CDH3: variants seen among roughly 807,000 people sequenced by gnomAD.
CDH3 encodes cadherin-3.
Under a neutral mutation model 82.0 loss-of-function variants are expected in CDH3, and 54 were observed. The observed-to-expected ratio is 0.66, with a 90% confidence interval of 0.53 to 0.83. CDH3 has a LOEUF of 0.83. Among genes scored for constraint, CDH3 ranks in the 40% least tolerant of loss-of-function variants. The pLI, the probability that CDH3 is intolerant of heterozygous loss-of-function variation, is 0.00. For synonymous variants in CDH3, 446 were observed against 437.9 expected (o/e 1.02, Z -0.23); for missense variants, 1,054 against 1,084.6 (o/e 0.97, Z 0.40).
At chr16:68,696,363 A>G (rs1420603415) in intron 15 of CDH3, 6 of 313,868 alleles carry the variant, frequency 1.9e-5, no homozygotes, top group African/African-American at 1.3e-4. Context: ...GGTTGCAGTG[A>G]GCCGACATCA....
chr16:68,682,595 A>C, intron 9 of CDH3, 108 bp downstream of exon 9: 3 of 1,019,580 alleles, frequency 2.9e-6, no homozygotes, highest in Non-Finnish European at 4.6e-6. Flanking sequence ...GAATCGTACC[A>C]GCCCAGTGGC....
At chr16:68,646,232 C>G (rs1042987026) in intron 2 of CDH3, 1 of 170,110 alleles carries the variant, frequency 5.9e-6, no homozygotes, top group African/African-American at 2.4e-5. Flanking sequence ...CCTACCCCGC[C>G]CCCCTTCTTC....
At chr16:68,661,211 G>A (rs1960566213) in intron 2 of CDH3, among the ~76,000 whole-genome samples, 1 of 152,124 alleles carries the variant, frequency 6.6e-6, no homozygotes, top group Non-Finnish European at 1.5e-5. Context: ...TCAAATTTCT[G>A]CAGTTGAAGT....
chr16:68,674,068 C>T (rs528854129), intron 2 of CDH3, among the ~76,000 whole-genome samples: 1 of 152,340 alleles, frequency 6.6e-6, no homozygotes, highest in South Asian at 2.1e-4. Flanking sequence ...ATTGCTAGGT[C>T]ATGTGGTAAT....
At chr16:68,704,664 C>G (rs1313784409), downstream of CDH3, among the ~76,000 whole-genome samples, 3 of 152,250 alleles carry the variant, frequency 2.0e-5, no homozygotes, top group Non-Finnish European at 4.4e-5. Context: ...GTGGCCGGAA[C>G]GGCCTTGGAC....
At chr16:68,705,929 G>A (rs1398880641) in intron 1 of CDH3, among the ~76,000 whole-genome samples, 4 of 151,502 alleles carry the variant, frequency 2.6e-5, no homozygotes, top group Non-Finnish European at 5.9e-5. Context: ...GCGCGGCGTG[G>A]TGGCACGTGC....
chr16:68,672,171 C>T (rs1469363556), intron 2 of CDH3, among the ~76,000 whole-genome samples: 4 of 139,930 alleles, frequency 2.9e-5, no homozygotes, highest in South Asian at 2.2e-4. Flanking sequence ...CCAGCCTGGG[C>T]GACAGCGAGA....
chr16:68,726,201 G>A (rs1284845779), intron 2 of CDH3, among the ~76,000 whole-genome samples: 3 of 152,092 alleles, frequency 2.0e-5, no homozygotes, highest in Non-Finnish European at 2.9e-5. Context: ...ATTTCTCTAA[G>A]CCTCAGTCAC....
chr16:68,685,993 C>G (rs1336807042), intron 11 of CDH3, among the ~76,000 whole-genome samples: 2 of 152,134 alleles, frequency 1.3e-5, no homozygotes, highest in Admixed American at 6.5e-5. Context: ...TACAGAGACC[C>G]TGTCTCTACA....
At chr16:68,701,879 C>T (rs1470494954), downstream of CDH3, among the ~76,000 whole-genome samples, 1 of 151,222 alleles carries the variant, frequency 6.6e-6, no homozygotes, top group African/African-American at 2.4e-5. Context: ...CAAAAATTAG[C>T]TGGGTGTGGT....
At chr16:68,723,658 C>T (rs983490214) in intron 2 of CDH3, among the ~76,000 whole-genome samples, 17 of 152,206 alleles carry the variant, frequency 1.1e-4, no homozygotes, top group African/African-American at 3.9e-4. Context: ...AGGCCAGACA[C>T]GGTGGCTCAC....
chr16:68,650,805 G>A (rs1960220055), intron 2 of CDH3, among the ~76,000 whole-genome samples: 2 of 152,096 alleles, frequency 1.3e-5, no homozygotes, highest in African/African-American at 4.8e-5. Flanking sequence ...TCGGGATACA[G>A]CCTTAACCCC....
intron 2 of CDH3, among the ~76,000 whole-genome samples, chr16:68,667,993 C>T (rs1219682520): frequency 6.6e-6 from 1 of 152,086 alleles, no homozygotes; most frequent in Non-Finnish European, 1.5e-5. Context: ...TTTCCCTTCC[C>T]CGACAGTATT....
chr16:68,714,102 T>G (rs1289165815), intron 1 of CDH3, among the ~76,000 whole-genome samples: 1 of 151,856 alleles, frequency 6.6e-6, no homozygotes, highest in Non-Finnish European at 1.5e-5. Flanking sequence ...CCCAGCTAAT[T>G]TTTATATTTT....
intron 8 of CDH3, among the ~76,000 whole-genome samples, chr16:68,681,516 C>T (rs1175927623): frequency 6.6e-6 from 1 of 152,218 alleles, no homozygotes; most frequent in African/African-American, 2.4e-5. Flanking sequence ...TTAGACAACT[C>T]TGAACGTTAA....
At chr16:68,650,166 G>C (rs1272279516) in intron 2 of CDH3, among the ~76,000 whole-genome samples, 1 of 152,156 alleles carries the variant, frequency 6.6e-6, no homozygotes, top group Non-Finnish European at 1.5e-5. Context: ...CCCTGGGCAG[G>C]CCTGAGGGTC....
At chr16:68,662,864 GTTTTTT>G (rs144098456) in intron 2 of CDH3, among the ~76,000 whole-genome samples, 1 of 67,802 alleles carries the variant, frequency 1.5e-5, no homozygotes, top group African/African-American at 5.9e-5. Context: ...ATTTTTTAAA[GTTTTTT>G]TTTTTTTTTT....
intron 1 of CDH3, 75 bp from the exon 2 acceptor site, chr16:68,645,561 G>T: frequency 6.9e-7 from 1 of 1,456,990 alleles, no homozygotes; most frequent in East Asian, 2.5e-5. Flanking sequence ...GGCCCGTGAG[G>T]ACCCTGCGGT....
chr16:68,693,515 G>A (rs915735897), intron 13 of CDH3, among the ~76,000 whole-genome samples: 4 of 152,150 alleles, frequency 2.6e-5, no homozygotes, highest in African/African-American at 9.7e-5. Flanking sequence ...ATTTCCATTT[G>A]CCGTTTTGGG....
Sources: allele counts gnomAD v4.1 joint callset (sites outside exome capture counted in the v4.1 genomes callset), GRCh38; gene constraint gnomAD v4.1.1; transcripts MANE v1.5; gene names NCBI Gene and HGNC (gene_info 2026-07-23, HGNC 2026-07-21).